GRM5: variants seen among roughly 807,000 people sequenced by gnomAD.
GRM5 encodes the protein glutamate metabotropic receptor 5.
Under a neutral mutation model 83.1 loss-of-function variants are expected in GRM5, and 19 were observed. The ratio of observed to expected loss-of-function variants is 0.23; its 90% CI spans 0.16 to 0.34. GRM5 has a LOEUF of 0.34. Ranked by LOEUF, GRM5 falls within the 10% of genes least tolerant of loss-of-function variation. GRM5 has a pLI of 1.00. For missense variants in GRM5, 1,160 were observed against 1,588.3 expected (o/e 0.73, Z 4.58); for synonymous variants, 675 against 633.6 (o/e 1.07, Z -0.98).
chr11:88,916,460 G>T (rs575817529), intron 2 of GRM5, among the ~76,000 whole-genome samples: 1 of 152,220 alleles, frequency 6.6e-6, no homozygotes, highest in East Asian at 1.9e-4. Flanking sequence ...CAAGGAGGAA[G>T]GATTTAGACC....
intron 3 of GRM5, among the ~76,000 whole-genome samples, chr11:88,696,674 C>G (rs1402463816): frequency 6.6e-6 from 1 of 152,108 alleles, no homozygotes; most frequent in East Asian, 1.9e-4. Context: ...ATTTCTGACT[C>G]TAGTTTATTT....
chr11:88,785,521 T>C (rs995016443), intron 3 of GRM5, among the ~76,000 whole-genome samples: 1 of 152,102 alleles, frequency 6.6e-6, no homozygotes, highest in African/African-American at 2.4e-5. Context: ...ACATCTATAG[T>C]TAAAATAATT....
intron 2 of GRM5, among the ~76,000 whole-genome samples, chr11:88,871,410 T>A (rs1944765212): frequency 6.6e-6 from 1 of 151,554 alleles, no homozygotes. Flanking sequence ...CTAAGAAAGA[T>A]GATGATTCCA....
chr11:88,662,472 C>G (rs1939933197), intron 3 of GRM5, among the ~76,000 whole-genome samples: 1 of 152,082 alleles, frequency 6.6e-6, no homozygotes, highest in African/African-American at 2.4e-5. Flanking sequence ...TCCAAGATCT[C>G]TGATCTTTGG....
At chr11:88,801,325 T>A (rs900532504) in intron 3 of GRM5, among the ~76,000 whole-genome samples, 11 of 152,152 alleles carry the variant, frequency 7.2e-5, no homozygotes, top group Admixed American at 6.6e-4. Flanking sequence ...AAATTACTGT[T>A]AAGTTGGTGC....
chr11:88,519,427 T>A (rs571230236), intron 9 of GRM5, among the ~76,000 whole-genome samples: 1 of 146,996 alleles, frequency 6.8e-6, no homozygotes, highest in Non-Finnish European at 1.5e-5. Context: ...GTTCGTATTT[T>A]TTTCCTGGGT....
chr11:88,963,069 G>T (rs1169903396), intron 2 of GRM5, among the ~76,000 whole-genome samples: 1 of 152,140 alleles, frequency 6.6e-6, no homozygotes, highest in Non-Finnish European at 1.5e-5. Context: ...CCAGCCTGGT[G>T]ACAGAACAAG....
At chr11:88,584,963 A>G (rs1013158743) in intron 7 of GRM5, among the ~76,000 whole-genome samples, 3 of 152,200 alleles carry the variant, frequency 2.0e-5, no homozygotes, top group African/African-American at 7.2e-5. Context: ...AGCTGAAGGA[A>G]TTTGAGAAAC....
chr11:89,056,996 A>T (rs1941890911), intron 1 of GRM5, among the ~76,000 whole-genome samples: 1 of 148,834 alleles, frequency 6.7e-6, no homozygotes, highest in African/African-American at 2.5e-5. Context: ...TTGATGGATA[A>T]ACTTTGCCAT....
chr11:88,878,770 T>C (rs1167855082), intron 2 of GRM5, among the ~76,000 whole-genome samples: 2 of 152,120 alleles, frequency 1.3e-5, no homozygotes, highest in East Asian at 1.9e-4. Context: ...AGAAACAAAC[T>C]AGTAGTTCAT....
rs577045031 is a variant in GRM5 at position 88,592,564 on chromosome 11, A to G, written c.1564-1837T>C. ...GAAATACCTTGATTTCTTATGGTTC[A>G]GTTTTCATTGGTTTGTGAATTTCAG... On this transcript the variant is annotated intron_variant, in intron 6 of 9. Transcript: ENST00000305447. 1.4e-4 allele frequency among the ~76,000 whole-genome samples: 22 copies of G among 152,292 alleles called. No individual in the cohort carries two copies. In the South Asian group the frequency reaches 4.4e-3, roughly 30 times the overall value.
intron 8 of GRM5, among the ~76,000 whole-genome samples, chr11:88,529,531 G>A (rs764028817): frequency 1.3e-5 from 2 of 151,760 alleles, no homozygotes; most frequent in African/African-American, 2.4e-5. Context: ...GAGGTCAAAG[G>A]GGAAAGCAGA....
At chr11:88,733,530 G>T (rs1283663823) in intron 3 of GRM5, among the ~76,000 whole-genome samples, 1 of 151,856 alleles carries the variant, frequency 6.6e-6, no homozygotes, top group African/African-American at 2.4e-5. Flanking sequence ...GTCTTAATAT[G>T]GCATACCTTG....
At chr11:88,928,494 A>ATG (rs573997429) in intron 2 of GRM5, among the ~76,000 whole-genome samples, 35 of 98,818 alleles carry the variant, frequency 3.5e-4, no homozygotes, top group African/African-American at 1.0e-3. Flanking sequence ...GTATATATGT[A>ATG]TATATATATA....
At chr11:88,750,359 TAA>T (rs1565213636) in intron 3 of GRM5, among the ~76,000 whole-genome samples, 1 of 152,146 alleles carries the variant, frequency 6.6e-6, no homozygotes, top group East Asian at 1.9e-4. Flanking sequence ...TACATAATGG[TAA>T]AGTCTTCAAT....
intron 3 of GRM5, among the ~76,000 whole-genome samples, chr11:88,668,854 T>C (rs1940120351): frequency 6.6e-6 from 1 of 152,192 alleles, no homozygotes; most frequent in South Asian, 2.1e-4. Context: ...TTTATGCTTT[T>C]ATCAAGTTGA....
intron 3 of GRM5, among the ~76,000 whole-genome samples, chr11:88,760,677 T>C (rs758783179): frequency 6.6e-6 from 1 of 151,200 alleles, no homozygotes; most frequent in East Asian, 1.9e-4. Flanking sequence ...TTCAAAAAAT[T>C]GAGGAGGGAA....
chr11:88,913,326 C>T (rs1945532017), intron 2 of GRM5, among the ~76,000 whole-genome samples: 1 of 152,116 alleles, frequency 6.6e-6, no homozygotes, highest in Non-Finnish European at 1.5e-5. Context: ...ATTCTCTGCC[C>T]TGCTCTGAGC....
intron 8 of GRM5, among the ~76,000 whole-genome samples, chr11:88,553,005 C>T (rs1432712564): frequency 6.6e-6 from 1 of 152,192 alleles, no homozygotes; most frequent in Non-Finnish European, 1.5e-5. Context: ...CAGTTCATCA[C>T]ATTAGCATTC....
Sources: allele counts gnomAD v4.1 joint callset (sites outside exome capture counted in the v4.1 genomes callset), GRCh38; gene constraint gnomAD v4.1.1; transcripts MANE v1.5; gene names NCBI Gene and HGNC (gene_info 2026-07-23, HGNC 2026-07-21).